Variants in THOC2 observed in about 807,000 individuals in gnomAD.
THOC2 encodes the protein THO complex subunit 2, also known as THO complex 2.
In THOC2, 10 loss-of-function variants were observed where a neutral mutation model predicts 128.4. The ratio of observed to expected loss-of-function variants is 0.08; its 90% confidence interval spans 0.05 to 0.13. The LOEUF (loss-of-function observed/expected upper bound fraction) is 0.13, where lower values mean the gene tolerates loss of function less well. Among genes scored for constraint, THOC2 ranks in the 10% least tolerant of loss-of-function variants. The pLI is 1.00. For synonymous variants in THOC2, 393 were observed against 396.9 expected, an observed-to-expected ratio of 0.99 and a Z score of 0.12; for missense variants, 535 against 1,155.7, an observed-to-expected ratio of 0.46 and a Z score of 7.79.
At chrX:123,649,722 T>G (rs2048279008) in intron 12 of THOC2, among the ~76,000 whole-genome samples, 1 of 110,128 alleles carries the variant, frequency 9.1e-6, no homozygotes, top group African/African-American at 3.3e-5. Context: ...GAAGATCAAT[T>G]TAATGAAACA....
rs1287790540 is a variant in THOC2 at position 123,696,710 on chromosome X, C to T, written c.467+11G>A. On this transcript the variant is annotated intron_variant, in intron 6 of 38. Transcript: ENST00000245838. ...GATACTTGATCTGCAACATAAGATA[C>T]GTGTACTTACAAGAGTTTTGTCTTG... 3.3e-6 allele frequency: 4 copies of T among 1,194,907 alleles called. No homozygotes were observed. The highest frequency in any genetic ancestry group is 3.0e-5 in the East Asian group (1 of 33,168).
chrX:123,723,347 G>A (rs1379245901), intron 1 of THOC2, among the ~76,000 whole-genome samples: 1 of 111,626 alleles, frequency 9.0e-6, no homozygotes, highest in Non-Finnish European at 1.9e-5. Flanking sequence ...TACACTGCTG[G>A]TGGGAGTGTA....
At chrX:123,717,897 G>A (rs1040123998) in intron 1 of THOC2, among the ~76,000 whole-genome samples, 2 of 112,250 alleles carry the variant, frequency 1.8e-5, no homozygotes, top group Non-Finnish European at 3.8e-5. Context: ...TTCTGCGTCC[G>A]CAGGTTCCGC....
intron 4 of THOC2, among the ~76,000 whole-genome samples, chrX:123,699,753 G>A (rs1004366783): frequency 3.6e-5 from 4 of 111,888 alleles, no homozygotes; most frequent in African/African-American, 1.3e-4. Flanking sequence ...CTCTCTGAGG[G>A]TTTGTGAACC....
chrX:123,660,279 T>C (rs2048774678), intron 12 of THOC2, among the ~76,000 whole-genome samples: 1 of 111,389 alleles, frequency 9.0e-6, no homozygotes, highest in Non-Finnish European at 1.9e-5. Context: ...ATATTGTATA[T>C]GGTTATGTAC....
chrX:123,639,154 TATAA>T (rs773249112), intron 16 of THOC2, 127 bp from the exon 17 acceptor site: 20 of 307,474 alleles, frequency 6.5e-5, no homozygotes, highest in African/African-American at 4.1e-4. Context: ...TGGTTTCCTA[TATAA>T]ATATTTAACA....
intron 12 of THOC2, among the ~76,000 whole-genome samples, chrX:123,659,899 G>A (rs1009730749): frequency 4.5e-5 from 5 of 111,872 alleles, no homozygotes; most frequent in African/African-American, 1.6e-4. Context: ...CCCTTTAGAA[G>A]CAATCTTAAA....
In THOC2 at chrX:123,611,298, T is replaced by TGA. The variant is rs138702575; in HGVS notation, c.4754+140_4754+141dup. 8.1e-3 allele frequency: 3,773 copies of TGA among 463,642 alleles called. 21 individuals are homozygous for TGA. Among genetic ancestry groups the TGA allele is most frequent in the Middle Eastern group, 0.021 (35 of 1,637 alleles). The allele number at this position is 463,642 out of a possible 1,213,427, so 38.2% of individuals were successfully genotyped here. ...TCCCACTTCCAGATTTCACACATTT[T>TGA]GAGAGTTAACTGGAAAGACCATTTC... On this transcript the variant is annotated intron_variant, in intron 37 of 38. Transcript: ENST00000245838.
At chrX:123,621,015 C>A in intron 31 of THOC2, 50 bp from the exon 32 acceptor site, 1 of 1,189,255 alleles carries the variant, frequency 8.4e-7, no homozygotes, top group Admixed American at 2.3e-5. Flanking sequence ...TCTAGTTTTC[C>A]AAACACTTAA....
intron 12 of THOC2, among the ~76,000 whole-genome samples, chrX:123,656,236 T>A (rs764651176): frequency 2.0e-5 from 2 of 101,342 alleles, no homozygotes; most frequent in South Asian, 4.6e-4. Context: ...GGCAGGAGAA[T>A]AGCTTGAACC....
chrX:123,707,924 T>C (rs1329711657), intron 2 of THOC2, among the ~76,000 whole-genome samples: 2 of 105,924 alleles, frequency 1.9e-5, no homozygotes, highest in Non-Finnish European at 3.9e-5. Context: ...GCCTAGGAGT[T>C]CGAAACCAGC....
chrX:123,651,176 T>C (rs1304030422), intron 12 of THOC2, among the ~76,000 whole-genome samples: 6 of 111,565 alleles, frequency 5.4e-5, no homozygotes, highest in African/African-American at 2.0e-4. Context: ...ACATGGAAAC[T>C]GAACAACTTG....
intron 4 of THOC2, among the ~76,000 whole-genome samples, chrX:123,700,263 G>A (rs1165817870): frequency 9.2e-6 from 1 of 109,067 alleles, no homozygotes; most frequent in Non-Finnish European, 1.9e-5. Context: ...CACTTTGGGA[G>A]GCCAAGGCAG....
At chrX:123,682,691 A>G (rs2049835743) in intron 8 of THOC2, among the ~76,000 whole-genome samples, 2 of 111,928 alleles carry the variant, frequency 1.8e-5, no homozygotes, top group South Asian at 7.4e-4. Context: ...CTAACATATA[A>G]TTTACTCAGA....
At chrX:123,616,574 T>G (rs890021946) in intron 33 of THOC2, among the ~76,000 whole-genome samples, 2 of 110,910 alleles carry the variant, frequency 1.8e-5, no homozygotes, top group Non-Finnish European at 3.8e-5. Context: ...AAATCCTCAT[T>G]TTAAGATGGT....
rs1471800305 is a variant in THOC2, at chrX:123,712,839, A to T, written c.130+11T>A. 9.0e-7 allele frequency: 1 copy of T among 1,114,487 alleles called. No homozygotes were observed. 91.8% of individuals were successfully genotyped at this position (1,114,487 alleles called of 1,213,427 possible). A position where few individuals can be genotyped will look rare whatever the true frequency, so the allele number is the denominator to read the frequency against. On this transcript the variant is annotated intron_variant, in intron 2 of 38. Coordinates refer to ENST00000245838, the MANE Select transcript of THOC2 (RefSeq NM_001081550.2). ...ATCAAGAAATAACTAAGATACTTTT[A>T]AAAATCTTACCTCTGTATGTTGAAC... is the stretch of plus-strand genomic sequence containing the variant.
rs769371113 is a variant in THOC2, at chrX:123,722,860, T to C, written c.72-9952A>G. Reference sequence around the variant, plus strand: ...TCAATAACAAAAAAGGCAAAAGATATGACAGAGACCTTTCACAAAAAGAAA... The same window carrying C: ...TCAATAACAAAAAAGGCAAAAGATACGACAGAGACCTTTCACAAAAAGAAA... On this transcript the variant is annotated intron_variant, in intron 1 of 38. Transcript: ENST00000245838. Among the ~76,000 whole-genome samples, 3 of 111,568 alleles carry C rather than the reference T, an allele frequency of 2.7e-5. No homozygotes were observed. The South Asian group carries it at 1.1e-3, about 41-fold the overall frequency.
At position 123,731,671 on chromosome X, in the gene THOC2, T is replaced by C. The variant is rs750239067; in HGVS notation, c.71+1281A>G. Among the ~76,000 whole-genome samples, 67 of 111,391 alleles carry C rather than the reference T, an allele frequency of 6.0e-4. 1 individual carries two copies. The highest frequency in any genetic ancestry group is 2.0e-3 in the African/African-American group (62 of 30,645). On this transcript the variant is annotated intron_variant, in intron 1 of 38. Coordinates refer to ENST00000245838, the MANE Select transcript of THOC2 (RefSeq NM_001081550.2). The stretch of plus-strand genomic sequence containing the variant: ...AGGAACTTACCCAAGGTCACTCAGC[T>C]ACTTAAGTGGCTAAGACAGCCGCTT...
intron 38 of THOC2, chrX:123,602,348 A>G (rs1404948428): frequency 8.9e-6 from 1 of 112,644 alleles, no homozygotes; most frequent in Admixed American, 9.4e-5. Flanking sequence ...TGCTGAATGG[A>G]TAAATAAAAT....
Sources: allele counts gnomAD v4.1 joint callset (sites outside exome capture counted in the v4.1 genomes callset), GRCh38; gene constraint gnomAD v4.1.1; transcripts MANE v1.5; gene names NCBI Gene and HGNC (gene_info 2026-07-23, HGNC 2026-07-21).